POLRMT: variants seen among roughly 807,000 people sequenced by gnomAD.
POLRMT encodes RNA polymerase mitochondrial.
POLRMT carries 114 observed loss-of-function variants against 132.2 expected under a neutral mutation model. The observed-to-expected ratio is 0.86, with a 90% CI of 0.74 to 1.01. The LOEUF (loss-of-function observed/expected upper bound fraction) is 1.01, where lower values mean the gene tolerates loss of function less well. POLRMT is among the 50% of genes least tolerant of loss of function. POLRMT has a pLI of 0.00. For synonymous variants in POLRMT, 1,020 were observed against 773.4 expected, an observed-to-expected ratio of 1.32 and a Z score of -5.29; for missense variants, 2,003 against 1,729.1, an observed-to-expected ratio of 1.16 and a Z score of -2.81.
rs369818739 is a variant in POLRMT at position 617,403 on chromosome 19, C to G, written c.3643+16G>C. On this transcript the variant is annotated intron_variant, in intron 20 of 20. Coordinates refer to ENST00000588649, the MANE Select transcript of POLRMT (RefSeq NM_005035.4). Reference sequence around the variant, plus strand: ...CGCAGTTCGAGCCACCCTTGCGAGGCTGCCCACCCGCCTACCTGGCTTGGG... The same window carrying G: ...CGCAGTTCGAGCCACCCTTGCGAGGGTGCCCACCCGCCTACCTGGCTTGGG... 56 of 1,612,198 alleles carry G rather than the reference C, an allele frequency of 3.5e-5. No individual in the cohort carries two copies. The highest frequency in any genetic ancestry group is 4.2e-5 in the Non-Finnish European group (50 of 1,179,780).
chr19:621,990 C>T (rs527983719), intron 9 of POLRMT, 144 bp from the exon 10 acceptor site: 44 of 1,194,528 alleles, frequency 3.7e-5, no homozygotes, highest in Non-Finnish European at 4.8e-5. Context: ...CCTCCAGAAA[C>T]GGCCGGACAC....
Position 625,247 on chromosome 19 carries a change from A to G in POLRMT, c.830T>C (p.Phe277Ser). 1 of 1,613,800 alleles carries G rather than the reference A, an allele frequency of 6.2e-7. No homozygotes were observed. The highest frequency in any genetic ancestry group is 8.5e-7 in the Non-Finnish European group (1 of 1,179,894). The change falls in exon 4 of 21, where the codon TTC (phenylalanine) becomes TCC (serine). Residue 277 changes from phenylalanine to serine, a missense_variant. Transcript: ENST00000588649. ...VMLGWARQGA[F>S]KELVYVLFMV... ...GAATAACACATATACCAGCTCCTTG[A>G]AGGCACCCTGGGAGACCAAGCCAGG... is the stretch of plus-strand genomic sequence containing the variant.
chr19:627,445 C>T (rs1436790431), intron 3 of POLRMT, among the ~76,000 whole-genome samples: 2 of 151,464 alleles, frequency 1.3e-5, no homozygotes, highest in African/African-American at 4.8e-5. Flanking sequence ...AGCCACTGTG[C>T]CCGGCCGGTT....
rs559241339 is a variant in POLRMT, at chr19:625,566, TCTG to T, written c.823-315_823-313del. 780 of 284,812 alleles carry T rather than the reference TCTG, an allele frequency of 2.7e-3. 2 individuals carry two copies. Among genetic ancestry groups the T allele is most frequent in the Non-Finnish European group, 3.3e-3 (506 of 153,438 alleles). The allele number at this position is 284,812 out of a possible 1,614,324, so 17.6% of individuals were successfully genotyped here. ...AAGGACTGACTTGGCTTGACTGTTC[TCTG>T]CTGTTTCTGCCTTCCATTTCATCGA... On this transcript the variant is annotated intron_variant, in intron 3 of 20. Transcript: ENST00000588649.
In POLRMT at chr19:622,992, G is replaced by A. The variant is rs781388429; in HGVS notation, c.1291-7C>T. 25 of 1,611,490 alleles carry A rather than the reference G, an allele frequency of 1.6e-5. No individual in the cohort carries two copies. The South Asian group carries it at 1.9e-4, about 12-fold the overall frequency. ...GGGTCTTCAGGGTCTTCCGCTGCGG[G>A]GGATGAACGGGCCCGGTGAGCCCCG... On this transcript the variant is annotated splice_region_variant and splice_polypyrimidine_tract_variant and intron_variant, in intron 6 of 20. Coordinates refer to ENST00000588649, the MANE Select transcript of POLRMT (RefSeq NM_005035.4).
chr19:623,652 G>A (rs200037440), intron 5 of POLRMT, 49 bp from the exon 6 acceptor site: 144 of 1,596,550 alleles, frequency 9.0e-5, no homozygotes, highest in Non-Finnish European at 1.2e-4. Flanking sequence ...AGGGCGACCT[G>A]CCCTCCCAGG....
At position 619,261 on chromosome 19, in the gene POLRMT, G is replaced by T. The variant is rs142585440; in HGVS notation, c.3102C>A (p.Arg1034=). Residue 1034 remains arginine (R), a synonymous_variant, in exon 14 of 21, where the codon CGC becomes CGA. Coordinates refer to ENST00000588649, the MANE Select transcript of POLRMT (RefSeq NM_005035.4). ...FVWEASHYLV[R]QVFKSLQEMF... is the part of the protein sequence containing the mutation. ...TCTCCTGTAGACTCTTGAAGACCTG[G>T]CGTACGAGATAGTGAGAGGCCTCCC... The T allele has an allele frequency of 1.9e-6, 3 of 1,607,536 alleles. No homozygotes were observed. In the African/African-American group the frequency reaches 4.1e-5, roughly 22 times the overall value.
chr19:628,771 C>G (rs1006401595), intron 3 of POLRMT, among the ~76,000 whole-genome samples: 2 of 152,048 alleles, frequency 1.3e-5, no homozygotes, highest in Admixed American at 1.3e-4. Flanking sequence ...TCGGGAGGCT[C>G]AGGGGGGCAG....
chr19:620,568 G>A lies in POLRMT; in HGVS notation c.2641-81C>T, dbSNP rs918198770. 8 of 1,433,050 alleles carry A rather than the reference G, an allele frequency of 5.6e-6. No homozygotes were observed. The African/African-American group carries it at 7.2e-5, about 13-fold the overall frequency. The allele number at this position is 1,433,050 out of a possible 1,614,324, so 88.8% of individuals were successfully genotyped here. On this transcript the variant is annotated intron_variant, in intron 10 of 20. Transcript: ENST00000588649. Reference sequence around the variant, plus strand: ...TGGGAGGCTGTGTTGCGGGGAGGTGGGAAATGGGGAGGAGACGCACACCCG... The same window carrying A: ...TGGGAGGCTGTGTTGCGGGGAGGTGAGAAATGGGGAGGAGACGCACACCCG...
chr19:620,531 C>T, intron 10 of POLRMT, 44 bp from the exon 11 acceptor site: 5 of 1,492,502 alleles, frequency 3.4e-6, no homozygotes, highest in South Asian at 1.4e-5. Context: ...CGGGCCCGAT[C>T]CCTGAGCCCG....
chr19:631,980 G>T (rs980786911), intron 2 of POLRMT, among the ~76,000 whole-genome samples: 1 of 152,134 alleles, frequency 6.6e-6, no homozygotes, highest in African/African-American at 2.4e-5. Flanking sequence ...TCACCATGTT[G>T]GCCAGGCTGG....
At position 622,881 on chromosome 19, in the gene POLRMT, G is replaced by T. The variant is rs776925999; in HGVS notation, c.1395C>A (p.Phe465Leu). The change falls in exon 7 of 21, where the codon TTC becomes TTA. Residue 465 changes from phenylalanine to leucine, a missense_variant. Phe to Leu is a conservative substitution (Grantham distance 22, BLOSUM62 0). Transcript: ENST00000588649. ...RLEREVYEGR[F>L]SLYPFLCLLD... ...GCAGGCACAGGAAGGGGTAAAGTGA[G>T]AACCGGCCCTCGTACACCTCGCGCT... is the stretch of plus-strand genomic sequence containing the variant. The T allele has an allele frequency of 1.9e-6, 3 of 1,610,344 alleles. No homozygotes were observed. Among genetic ancestry groups the T allele is most frequent in the African/African-American group, 2.7e-5 (2 of 74,908 alleles).
At position 619,057 on chromosome 19, in the gene POLRMT, C is replaced by T. The variant is rs761745656; in HGVS notation, c.3207G>A (p.Glu1069=). 3.7e-6 allele frequency: 6 copies of T among 1,608,978 alleles called. No individual in the cohort carries two copies. The South Asian group carries it at 4.4e-5, about 12-fold the overall frequency. ...CGGGGACGCCCAGGGGTGTGACCCA[C>T]TCCACCACAGAGCCCATGTGGGAGA... ...RLISHMGSVV[E]WVTPLGVPVI... Residue 1069 remains glutamate, a synonymous_variant, in exon 15 of 21, where the codon GAG becomes GAA. Coordinates refer to ENST00000588649, the MANE Select transcript of POLRMT (RefSeq NM_005035.4).
At chr19:631,640 GA>G (rs965337839) in intron 2 of POLRMT, among the ~76,000 whole-genome samples, 29 of 150,442 alleles carry the variant, frequency 1.9e-4, no homozygotes, top group African/African-American at 6.3e-4. Context: ...TCCGTCTCAA[GA>G]AAAAAAAAAT....
intron 3 of POLRMT, among the ~76,000 whole-genome samples, chr19:627,656 C>G (rs577784742): frequency 6.6e-6 from 1 of 151,452 alleles, no homozygotes; most frequent in African/African-American, 2.4e-5. Context: ...CGGGCGCGGT[C>G]GCTCACGCCT....
intron 15 of POLRMT, 28 bp downstream of exon 15, chr19:618,969 C>G: frequency 2.0e-6 from 3 of 1,518,610 alleles, no homozygotes; most frequent in Non-Finnish European, 2.7e-6. Context: ...TGGTGGCACA[C>G]TGGGGAGGGA....
chr19:618,662 C>G, intron 16 of POLRMT, 43 bp downstream of exon 16: 1 of 1,604,126 alleles, frequency 6.2e-7, no homozygotes, highest in Non-Finnish European at 8.5e-7. Flanking sequence ...CGTGGCTGCT[C>G]TCCAGACCCC....
In POLRMT at chr19:617,239, A is replaced by ATT; in HGVS notation, c.*34_*35insAA. On this transcript the variant is annotated 3_prime_UTR_variant, in exon 21 of 21. Coordinates refer to ENST00000588649, the MANE Select transcript of POLRMT (RefSeq NM_005035.4). ...CAGTGGCTCCTGGGGGTGGCAAAAG[A>ATT]GCTTTATTTACACACTGACAAGGCT... The ATT allele has an allele frequency of 1.2e-6, 2 of 1,610,556 alleles. No homozygotes were observed. Among genetic ancestry groups the ATT allele is most frequent in the South Asian group, 2.2e-5 (2 of 90,980 alleles).
At chr19:625,717 C>G (rs1381196925) in intron 3 of POLRMT, among the ~76,000 whole-genome samples, 1 of 152,066 alleles carries the variant, frequency 6.6e-6, no homozygotes, top group Non-Finnish European at 1.5e-5. Context: ...TTTTTTTCCC[C>G]CCAAGATGGA....
Sources: allele counts gnomAD v4.1 joint callset (sites outside exome capture counted in the v4.1 genomes callset), GRCh38; gene constraint gnomAD v4.1.1; transcripts MANE v1.5; gene names NCBI Gene and HGNC (gene_info 2026-07-23, HGNC 2026-07-21).